PLAAT5: variants seen among roughly 807,000 people sequenced by gnomAD.
PLAAT5 encodes the protein Ca(2+)-independent N-acyltransferase.
PLAAT5 carries 27 observed loss-of-function variants against 27.8 expected under a neutral mutation model. The ratio of observed to expected loss-of-function variants is 0.97; its 90% confidence interval spans 0.72 to 1.34. The LOEUF (loss-of-function observed/expected upper bound fraction) is 1.34. Among genes scored for constraint, PLAAT5 ranks in the 40% most tolerant of loss-of-function variants. The pLI, the probability that PLAAT5 is intolerant of heterozygous loss-of-function variation, is 0.00. For missense variants in PLAAT5, 368 were observed against 343.8 expected (o/e 1.07, Z -0.56); for synonymous variants, 125 against 136.1 (o/e 0.92, Z 0.57).
chr11:63,479,043 A>C (rs2016221354), intron 3 of PLAAT5, among the ~76,000 whole-genome samples: 1 of 152,212 alleles, frequency 6.6e-6, no homozygotes. Context: ...ATGATATTGC[A>C]GGAGACTTCA....
At chr11:63,483,470 C>G (rs2016332550) in intron 3 of PLAAT5, among the ~76,000 whole-genome samples, 1 of 151,500 alleles carries the variant, frequency 6.6e-6, no homozygotes, top group South Asian at 2.1e-4. Context: ...CAAAACTATA[C>G]AAATACAAGG....
chr11:63,480,058 C>G (rs553195840), intron 3 of PLAAT5, among the ~76,000 whole-genome samples: 1 of 152,292 alleles, frequency 6.6e-6, no homozygotes, highest in South Asian at 2.1e-4. Flanking sequence ...GAGGGCAGGG[C>G]TCTCAGAGTC....
intron 3 of PLAAT5, among the ~76,000 whole-genome samples, chr11:63,477,464 T>C (rs2016177948): frequency 6.6e-6 from 1 of 152,136 alleles, no homozygotes; most frequent in South Asian, 2.1e-4. Flanking sequence ...TTAGAGTTTT[T>C]TTCTTGTTTT....
intron 4 of PLAAT5, among the ~76,000 whole-genome samples, chr11:63,467,192 T>G (rs538067964): frequency 3.9e-5 from 6 of 152,286 alleles, no homozygotes; most frequent in African/African-American, 1.2e-4. Flanking sequence ...CTGCTGATTT[T>G]ATAAAAGCTG....
intron 3 of PLAAT5, among the ~76,000 whole-genome samples, chr11:63,476,801 A>G (rs777926922): frequency 5.9e-5 from 9 of 151,528 alleles, no homozygotes; most frequent in Middle Eastern, 3.4e-3. Flanking sequence ...TCTTTCTGGG[A>G]CCCCAATTAT....
rs1269197661 is a variant in PLAAT5 at position 63,478,406 on chromosome 11, C to T, written c.346-9941G>A. Among the ~76,000 whole-genome samples, 4 of 152,076 alleles carry T rather than the reference C, an allele frequency of 2.6e-5. No individual in the cohort carries two copies. The South Asian group carries it at 6.2e-4, about 24-fold the overall frequency. Reference sequence around the variant, plus strand: ...CGCGATCTCAGCTCACTGCAACCTCCGCCTCCCTGGTTTCAAGGGATTCTC... The same window carrying T: ...CGCGATCTCAGCTCACTGCAACCTCTGCCTCCCTGGTTTCAAGGGATTCTC... On this transcript the variant is annotated intron_variant, in intron 3 of 5. Coordinates refer to ENST00000540857, the MANE Select transcript of PLAAT5 (RefSeq NM_001146729.2).
At chr11:63,483,827 A>ATATATATG (rs2016364391) in intron 3 of PLAAT5, among the ~76,000 whole-genome samples, 1 of 109,796 alleles carries the variant, frequency 9.1e-6, no homozygotes, top group South Asian at 2.9e-4. Flanking sequence ...ATATATATAT[A>ATATATATG]TATATATATA....
At chr11:63,473,278 G>GT (rs2016074227) in intron 3 of PLAAT5, among the ~76,000 whole-genome samples, 1 of 152,158 alleles carries the variant, frequency 6.6e-6, no homozygotes, top group African/African-American at 2.4e-5. Flanking sequence ...CAAACAGCGT[G>GT]TGCTCGCTTT....
chr11:63,463,731 A>C (rs1253336946), intron 5 of PLAAT5, 136 bp from the exon 6 acceptor site: 7 of 666,038 alleles, frequency 1.1e-5, no homozygotes, highest in Non-Finnish European at 1.9e-5. Context: ...AGTCCATGCT[A>C]TCTTATATTT....
intron 3 of PLAAT5, among the ~76,000 whole-genome samples, chr11:63,488,111 C>T (rs183897723): frequency 1.4e-3 from 213 of 152,292 alleles, no homozygotes; most frequent in Non-Finnish European, 2.2e-3. Flanking sequence ...CGCCACTGCA[C>T]TCCAGCCTGG....
chr11:63,487,584 A>G (rs2016466037), intron 3 of PLAAT5, among the ~76,000 whole-genome samples: 1 of 152,198 alleles, frequency 6.6e-6, no homozygotes, highest in Admixed American at 6.5e-5. Flanking sequence ...ATGTTAAGGA[A>G]AACAGTAAAT....
chr11:63,465,538 TC>T (rs2015837890), intron 5 of PLAAT5, among the ~76,000 whole-genome samples: 1 of 151,804 alleles, frequency 6.6e-6, no homozygotes, highest in Non-Finnish European at 1.5e-5. Context: ...ACACCTGTAA[TC>T]CCAGCACTTT....
rs779112774 is a variant in PLAAT5 at position 63,490,325 on chromosome 11, C to T, written c.157G>A (p.Val53Met). The T allele has an allele frequency of 3.1e-6, 5 of 1,614,110 alleles. No homozygotes were observed. Among genetic ancestry groups the T allele is most frequent in the Admixed American group, 1.7e-5 (1 of 60,020 alleles). ...RSAVPHSEES[V>M]GFAALVQLPA... is the part of the protein sequence containing the mutation. ...AGCTGGACCAACGCTGCGAATCCCA[C>T]GGATTCTTCTAATTCAAGGGGGGAA... Residue 53 changes from valine (V) to methionine (M), a missense_variant, in exon 2 of 6, where the codon GTG becomes ATG. Coordinates refer to ENST00000540857, the MANE Select transcript of PLAAT5 (RefSeq NM_001146729.2).
chr11:63,476,981 G>A (rs1039743351), intron 3 of PLAAT5, among the ~76,000 whole-genome samples: 4 of 151,898 alleles, frequency 2.6e-5, no homozygotes, highest in South Asian at 2.1e-4. Context: ...AATCACTCTA[G>A]TGAATGTTTT....
intron 3 of PLAAT5, among the ~76,000 whole-genome samples, chr11:63,471,181 T>A (rs2016014853): frequency 6.6e-6 from 1 of 152,170 alleles, no homozygotes; most frequent in Admixed American, 6.5e-5. Flanking sequence ...AAACATTAAG[T>A]CTATATAAAC....
Position 63,491,085 on chromosome 11 carries a change from C to T in PLAAT5, c.-51G>A. The T allele has an allele frequency of 7.6e-7, 1 of 1,317,366 alleles. No homozygotes were observed. The highest frequency in any genetic ancestry group is 9.7e-7 in the Non-Finnish European group (1 of 1,026,940). The allele number at this position is 1,317,366 out of a possible 1,614,324, so 81.6% of individuals were successfully genotyped here. On this transcript the variant is annotated 5_prime_UTR_variant, in exon 1 of 6. Transcript: ENST00000540857. ...CCAGGCCTTGCAGGGGACTACGCCC[C>T]TGGCGAGTTCCCAGTCGGCGCGGCC...
chr11:63,489,483 G>A (rs2120351359), intron 2 of PLAAT5, among the ~76,000 whole-genome samples: 1 of 152,298 alleles, frequency 6.6e-6, no homozygotes, highest in South Asian at 2.1e-4. Context: ...AAATGTTACA[G>A]GAGAGGACAG....
Position 63,466,103 on chromosome 11 carries a change from G to A in PLAAT5, c.717+7C>T. ...AGAAGCCATCATCAGAGCAAATGGG[G>A]TCACACCTGCTGGCTCCGGGGTACG... On this transcript the variant is annotated splice_region_variant and intron_variant, in intron 5 of 5. Transcript: ENST00000540857. 3.1e-6 allele frequency: 5 copies of A among 1,612,596 alleles called. No individual in the cohort carries two copies. Among genetic ancestry groups the A allele is most frequent in the East Asian group, 2.2e-5 (1 of 44,872 alleles).
intron 3 of PLAAT5, among the ~76,000 whole-genome samples, chr11:63,472,834 T>C (rs1313806817): frequency 6.6e-6 from 1 of 152,132 alleles, no homozygotes; most frequent in Non-Finnish European, 1.5e-5. Flanking sequence ...CCAGGCGCGG[T>C]GGCTCATGCC....
Sources: gnomAD v4.1 joint callset for allele counts (sites outside exome capture counted in the v4.1 genomes callset) on GRCh38, gnomAD v4.1.1 for gene constraint, MANE v1.5 for transcripts, NCBI Gene and HGNC (gene_info 2026-07-23, HGNC 2026-07-21) for gene names.